The following TUBA1C variants were observed in gnomAD, a reference collection of about 807,000 sequenced individuals.
The protein encoded by TUBA1C is tubulin alpha 1c.
In TUBA1C, 16 loss-of-function variants were observed where a neutral mutation model predicts 34.9. That is an observed-to-expected ratio of 0.46 (90% CI 0.31 to 0.70). TUBA1C has a LOEUF of 0.70. TUBA1C is among the 30% of genes least tolerant of loss of function. The probability of loss-of-function intolerance (pLI) is 0.05; values close to 1 mark genes in which losing one functional copy is unlikely to be tolerated. For missense variants in TUBA1C, 329 were observed against 587.3 expected (o/e 0.56, Z 4.55); for synonymous variants, 177 against 215.9 (o/e 0.82, Z 1.58).
intron 1 of TUBA1C, among the ~76,000 whole-genome samples, chr12:49,250,026 C>T (rs1414939834): frequency 6.6e-6 from 1 of 151,244 alleles, no homozygotes; most frequent in Admixed American, 6.6e-5. Context: ...GGTGAAACCC[C>T]ATCTCTACTA....
At chr12:49,264,831 TC>T (rs1942880332), upstream of TUBA1C, 1 of 107,158 alleles carries the variant, frequency 9.3e-6, no homozygotes, top group Non-Finnish European at 2.0e-5. Context: ...CTCCCCTTCC[TC>T]CCCTTCCTCC....
chr12:49,265,045 C>T (rs1942885456), upstream of TUBA1C: 4 of 1,225,400 alleles, frequency 3.3e-6, no homozygotes, highest in Middle Eastern at 5.7e-4. Flanking sequence ...GGCCGGGGAC[C>T]GGGTATATAA....
At chr12:49,258,271 T>C (rs1264026925) in intron 1 of TUBA1C, among the ~76,000 whole-genome samples, 1 of 152,138 alleles carries the variant, frequency 6.6e-6, no homozygotes, top group Admixed American at 6.5e-5. Context: ...TCTACAGTAG[T>C]ATACAATAAT....
chr12:49,258,045 A>G, intron 1 of TUBA1C: 1 of 155,020 alleles, frequency 6.5e-6, no homozygotes, highest in Non-Finnish European at 1.4e-5. Flanking sequence ...TGTTTAGTAG[A>G]GGTGAGGTCT....
At chr12:49,238,688 T>C (rs1942582503) in intron 1 of TUBA1C, among the ~76,000 whole-genome samples, 1 of 152,232 alleles carries the variant, frequency 6.6e-6, no homozygotes, top group African/African-American at 2.4e-5. Flanking sequence ...ATTTAAAAAA[T>C]TTGTTTACAG....
At chr12:49,251,094 C>T (rs150639572) in intron 1 of TUBA1C, among the ~76,000 whole-genome samples, 133 of 152,186 alleles carry the variant, frequency 8.7e-4, no homozygotes, top group African/African-American at 3.1e-3. Flanking sequence ...ATAGACCCAG[C>T]TACTTGGGAG....
At chr12:49,268,088 TGAGA>T (rs1299531243) in intron 1 of TUBA1C, among the ~76,000 whole-genome samples, 2 of 151,272 alleles carry the variant, frequency 1.3e-5, no homozygotes, top group African/African-American at 4.9e-5. Flanking sequence ...TATATATCTA[TGAGA>T]GAGAGACACA....
At chr12:49,232,745 C>T (rs1942510316) in intron 1 of TUBA1C, 1 of 152,146 alleles carries the variant, frequency 6.6e-6, no homozygotes, top group African/African-American at 2.4e-5. Flanking sequence ...AGATGTATGA[C>T]TTGTCGTTTT....
At position 49,272,660 on chromosome 12, in the gene TUBA1C, C is replaced by G. The variant is rs756419666; in HGVS notation, c.783C>G (p.Pro261=). Reference sequence around the variant, plus strand: ...CAGAATTCCAGACCAACCTGGTGCCCTACCCCCGCATCCACTTCCCTCTGG... The same window carrying G: ...CAGAATTCCAGACCAACCTGGTGCCGTACCCCCGCATCCACTTCCCTCTGG... ...DLTEFQTNLV[P]YPRIHFPLAT... Residue 261 remains proline (P), a synonymous_variant, in exon 4 of 4, where the codon CCC becomes CCG. Transcript: ENST00000301072. 1.1e-5 allele frequency: 18 copies of G among 1,610,502 alleles called. No homozygotes were observed. In the Admixed American group the frequency reaches 3.0e-4, roughly 27 times the overall value.
At chr12:49,230,433 CG>C (rs1398348467) in intron 1 of TUBA1C, among the ~76,000 whole-genome samples, 1 of 152,120 alleles carries the variant, frequency 6.6e-6, no homozygotes, top group Non-Finnish European at 1.5e-5. Context: ...TCAGTAGATT[CG>C]TTCCCTCTCT....
At chr12:49,234,857 G>A (rs1247289813) in intron 1 of TUBA1C, among the ~76,000 whole-genome samples, 3 of 152,114 alleles carry the variant, frequency 2.0e-5, no homozygotes, top group African/African-American at 7.2e-5. Flanking sequence ...TGCTTTTGTT[G>A]CCCAGGCTGG....
intron 1 of TUBA1C, among the ~76,000 whole-genome samples, chr12:49,229,935 G>C (rs1410083690): frequency 6.6e-6 from 1 of 152,022 alleles, no homozygotes; most frequent in Non-Finnish European, 1.5e-5. Context: ...CTATAGGCGT[G>C]TACCACCATA....
intron 1 of TUBA1C, among the ~76,000 whole-genome samples, chr12:49,248,736 C>T (rs1259532697): frequency 1.4e-5 from 2 of 147,448 alleles, no homozygotes; most frequent in African/African-American, 2.5e-5. Context: ...GGCGTGGTGG[C>T]AGGCGCCTGT....
upstream of TUBA1C, among the ~76,000 whole-genome samples, chr12:49,261,223 C>A (rs1263358014): frequency 6.6e-6 from 1 of 150,826 alleles, no homozygotes; most frequent in East Asian, 1.9e-4. Flanking sequence ...CAGCGAGACA[C>A]CGTCTCAAAA....
intron 3 of TUBA1C, among the ~76,000 whole-genome samples, chr12:49,271,459 G>A (rs1045362517): frequency 1.3e-5 from 2 of 152,160 alleles, no homozygotes; most frequent in African/African-American, 4.8e-5. Context: ...GGTACCTAGT[G>A]TCATATATTG....
At chr12:49,270,473 G>T (rs1942976472) in intron 3 of TUBA1C, among the ~76,000 whole-genome samples, 1 of 152,168 alleles carries the variant, frequency 6.6e-6, no homozygotes, top group Admixed American at 6.6e-5. Context: ...ATGACTCTTT[G>T]CTCCTTAGGC....
At chr12:49,243,727 T>G (rs1302172099) in intron 1 of TUBA1C, among the ~76,000 whole-genome samples, 1 of 152,062 alleles carries the variant, frequency 6.6e-6, no homozygotes, top group East Asian at 1.9e-4. Flanking sequence ...TAAGAGGACT[T>G]GGGAAGGGGA....
At chr12:49,228,465 G>C (rs1942462473) in intron 1 of TUBA1C, among the ~76,000 whole-genome samples, 1 of 152,156 alleles carries the variant, frequency 6.6e-6, no homozygotes, top group African/African-American at 2.4e-5. Context: ...TGGCCTCCCT[G>C]ATTTGAATAT....
At chr12:49,263,365 A>C (rs541546803), upstream of TUBA1C, among the ~76,000 whole-genome samples, 6 of 151,654 alleles carry the variant, frequency 4.0e-5, no homozygotes, top group East Asian at 1.9e-4. Context: ...TATCTTCCCT[A>C]TTCCCTCTCC....
Sources: allele counts gnomAD v4.1 joint callset (sites outside exome capture counted in the v4.1 genomes callset), GRCh38; gene constraint gnomAD v4.1.1; transcripts MANE v1.5; gene names NCBI Gene and HGNC (gene_info 2026-07-23, HGNC 2026-07-21).